Variants in UBE2Q1 observed in about 807,000 individuals in gnomAD.
The protein encoded by UBE2Q1 is ubiquitin conjugating enzyme E2 Q1.
A neutral mutation model predicts 60.1 loss-of-function variants in UBE2Q1; 6 were observed. That is an observed-to-expected ratio of 0.10 (90% CI 0.05 to 0.20). UBE2Q1 has a LOEUF of 0.20. Ranked by LOEUF, UBE2Q1 falls within the 10% of genes least tolerant of loss-of-function variation. The pLI is 1.00. For missense variants in UBE2Q1, 262 were observed against 525.8 expected (o/e 0.50, Z 4.91); for synonymous variants, 226 against 208.3 (o/e 1.09, Z -0.73).
At position 154,558,602 on chromosome 1, in the gene UBE2Q1, TGCGCTCCGGGCTCCG is replaced by T. The variant is rs1695937098; in HGVS notation, c.-64_-50del. 1.0e-6 allele frequency: 1 copy of T among 997,074 alleles called. No individual in the cohort carries two copies. The highest frequency in any genetic ancestry group is 5.0e-4 in the Middle Eastern group (1 of 1,992). 61.8% of individuals were successfully genotyped at this position (997,074 alleles called of 1,614,324 possible). On this transcript the variant is annotated 5_prime_UTR_variant, in exon 1 of 13. Transcript: ENST00000292211. ...GCCGGCGGGCCGGGAGCCTCCGGCC[TGCGCTCCGGGCTCCG>T]CCGCCGCCGCCGCCGCCGCCGCCGC...
chr1:154,558,604 C>T lies in UBE2Q1; in HGVS notation c.-51G>A. On this transcript the variant is annotated 5_prime_UTR_variant, in exon 1 of 13. Coordinates refer to ENST00000292211, the MANE Select transcript of UBE2Q1 (RefSeq NM_017582.7). ...CGGCGGGCCGGGAGCCTCCGGCCTG[C>T]GCTCCGGGCTCCGCCGCCGCCGCCG... 2 of 991,394 alleles carry T rather than the reference C, an allele frequency of 2.0e-6. No homozygotes were observed. The highest frequency in any genetic ancestry group is 1.2e-6 in the Non-Finnish European group (1 of 845,366). The allele number at this position is 991,394 out of a possible 1,614,324, so 61.4% of individuals were successfully genotyped here.
Position 154,552,948 on chromosome 1 carries a change from C to T in UBE2Q1, c.729+84G>A, listed in dbSNP as rs530431208. 52 of 1,596,712 alleles carry T rather than the reference C, an allele frequency of 3.3e-5. No homozygotes were observed. The African/African-American group carries it at 6.3e-4, about 19-fold the overall frequency. ...ATTAGGCACAAAAAAGGAGTCTGCTCTCCATACTGAGATGCGATGGCCTAC... is the reference window on the plus strand; with the variant it reads ...ATTAGGCACAAAAAAGGAGTCTGCTTTCCATACTGAGATGCGATGGCCTAC... On this transcript the variant is annotated intron_variant, in intron 5 of 12. Transcript: ENST00000292211.
At chr1:154,556,386 T>G (rs1481809641) in intron 1 of UBE2Q1, among the ~76,000 whole-genome samples, 1 of 152,096 alleles carries the variant, frequency 6.6e-6, no homozygotes, top group Non-Finnish European at 1.5e-5. Flanking sequence ...AGGGATCACC[T>G]CATCACAATG....
rs1695751674 is a variant in UBE2Q1 at position 154,549,316 on chromosome 1, C to CGT, written c.*1121_*1122insAC. ...AGGACACAGGTGTATAGAACAACCC[C>CGT]CCTTAAAATGCTAACCCTTTCTAGT... On this transcript the variant is annotated 3_prime_UTR_variant, in exon 13 of 13. Transcript: ENST00000292211. 6.6e-6 allele frequency: 1 copy of CGT among 152,234 alleles called. No individual in the cohort carries two copies. Among genetic ancestry groups the CGT allele is most frequent in the Non-Finnish European group, 1.5e-5 (1 of 68,058 alleles). The allele number at this position is 152,234 out of a possible 1,614,324, so 9.4% of individuals were successfully genotyped here.
rs370404940 is a variant in UBE2Q1 at position 154,558,217 on chromosome 1, G to C, written c.327+10C>G. ...GGCCCCCACAGAGGCGCACGCGAGG[G>C]GGTCCTCACCGTGATGTTGCAGTGG... is the stretch of plus-strand genomic sequence containing the variant. On this transcript the variant is annotated intron_variant, in intron 1 of 12. Transcript: ENST00000292211. 6.6e-7 allele frequency: 1 copy of C among 1,515,982 alleles called. No homozygotes were observed. The highest frequency in any genetic ancestry group is 1.4e-5 in the African/African-American group (1 of 69,372). 93.9% of individuals were successfully genotyped at this position (1,515,982 alleles called of 1,614,324 possible).
intron 4 of UBE2Q1, 169 bp downstream of exon 4, chr1:154,554,566 G>C: frequency 1.6e-6 from 1 of 636,522 alleles, no homozygotes; most frequent in Non-Finnish European, 2.7e-6. Flanking sequence ...GTTGGATATG[G>C]GTGCCCTGTC....
chr1:154,551,108 G>A (rs1695784294), intron 11 of UBE2Q1, 104 bp from the exon 12 acceptor site: 2 of 1,368,436 alleles, frequency 1.5e-6, no homozygotes, highest in Admixed American at 1.7e-5. Flanking sequence ...CCAGCTCCCA[G>A]CACTGTGGTC....
intron 1 of UBE2Q1, among the ~76,000 whole-genome samples, chr1:154,557,725 G>T (rs1048709392): frequency 2.0e-5 from 3 of 152,204 alleles, no homozygotes; most frequent in Non-Finnish European, 2.9e-5. Context: ...GAGAGAGCAA[G>T]AGGGTCTGCA....
chr1:154,550,299 T>G lies in UBE2Q1; in HGVS notation c.*139A>C. ...CCTTAGCGTTTAGAATAGCCATCAT[T>G]GTCCTGCAATAGGCAGAGCTATCAC... On this transcript the variant is annotated 3_prime_UTR_variant, in exon 13 of 13. Coordinates refer to ENST00000292211, the MANE Select transcript of UBE2Q1 (RefSeq NM_017582.7). The G allele has an allele frequency of 8.9e-7, 1 of 1,129,650 alleles. No homozygotes were observed. Among genetic ancestry groups the G allele is most frequent in the Non-Finnish European group, 1.3e-6 (1 of 770,756 alleles). 70.0% of individuals were successfully genotyped at this position (1,129,650 alleles called of 1,614,324 possible).
intron 11 of UBE2Q1, 62 bp from the exon 12 acceptor site, chr1:154,551,066 T>C: frequency 6.3e-7 from 1 of 1,594,676 alleles, no homozygotes; most frequent in Non-Finnish European, 8.6e-7. Context: ...CCCCTCACCT[T>C]CTGCAGGCTG....
Position 154,555,983 on chromosome 1 carries a change from T to C in UBE2Q1, c.328-19A>G, listed in dbSNP as rs1362572510. The stretch of plus-strand genomic sequence containing the variant: ...ATGACTCCTGAAGGGAAAAGAGCAA[T>C]AAGAGCAATCAAAATGGGTGACTCT... On this transcript the variant is annotated intron_variant, in intron 1 of 12. Transcript: ENST00000292211. The C allele has an allele frequency of 2.5e-6, 4 of 1,609,296 alleles. No individual in the cohort carries two copies. Among genetic ancestry groups the C allele is most frequent in the African/African-American group, 2.7e-5 (2 of 74,668 alleles).
At chr1:154,551,575 G>C (rs982845460) in intron 10 of UBE2Q1, 83 bp from the exon 11 acceptor site, 2 of 1,510,578 alleles carry the variant, frequency 1.3e-6, no homozygotes, top group African/African-American at 2.7e-5. Flanking sequence ...GCAATCAGCT[G>C]TGTCTATAGG....
chr1:154,551,758 G>A lies in UBE2Q1; in HGVS notation c.1074+13C>T, dbSNP rs1695794211. The A allele has an allele frequency of 6.2e-7, 1 of 1,614,100 alleles. No individual in the cohort carries two copies. Among genetic ancestry groups the A allele is most frequent in the African/African-American group, 1.3e-5 (1 of 74,932 alleles). ...CCCAGGCCGGCCTGGCCAAGGAGGAGAGACAGGCTCACCTGTTTGGTGAGA... is the reference window on the plus strand; with the variant it reads ...CCCAGGCCGGCCTGGCCAAGGAGGAAAGACAGGCTCACCTGTTTGGTGAGA... On this transcript the variant is annotated intron_variant, in intron 10 of 12. Transcript: ENST00000292211.
At chr1:154,556,268 GGACT>G (rs1695886679) in intron 1 of UBE2Q1, among the ~76,000 whole-genome samples, 2 of 152,088 alleles carry the variant, frequency 1.3e-5, no homozygotes, top group Non-Finnish European at 2.9e-5. Context: ...CAGCGAAGGG[GGACT>G]CCTCATCTCC....
chr1:154,555,684 C>T, intron 2 of UBE2Q1, 152 bp from the exon 3 acceptor site: 1 of 926,046 alleles, frequency 1.1e-6, no homozygotes, highest in East Asian at 2.6e-5. Context: ...CCTGATGGAC[C>T]AATCCCAGGG....
intron 12 of UBE2Q1, 149 bp downstream of exon 12, chr1:154,550,789 A>C (rs1047668720): frequency 6.5e-7 from 1 of 1,537,518 alleles, no homozygotes; most frequent in Non-Finnish European, 8.7e-7. Flanking sequence ...AGCCACCGCC[A>C]GTCCCTCCTG....
chr1:154,554,867 C>G lies in UBE2Q1; in HGVS notation c.538-82G>C. ...GCCTCCAACCTACTCCCCTGAGCCC[C>G]CAGGTCTGGAAGTTGTGCGCCTGCC... is the stretch of plus-strand genomic sequence containing the variant. On this transcript the variant is annotated intron_variant, in intron 3 of 12. Transcript: ENST00000292211. The G allele has an allele frequency of 2.0e-6, 3 of 1,487,860 alleles. No homozygotes were observed. The South Asian group carries it at 3.7e-5, about 18-fold the overall frequency. 92.2% of individuals were successfully genotyped at this position (1,487,860 alleles called of 1,614,324 possible).
rs78831689 is a variant in UBE2Q1, at chr1:154,553,473, A to C, written c.589-301T>G. The C allele has an allele frequency of 8.1e-4, 212 of 261,308 alleles. 1 individual carries two copies. In the East Asian group the frequency reaches 0.015, roughly 18 times the overall value. 16.2% of individuals were successfully genotyped at this position (261,308 alleles called of 1,614,324 possible). A position where few individuals can be genotyped will look rare whatever the true frequency, so the allele number is the denominator to read the frequency against. ...TTGTTTCCTGGACTGACCCTGCTCC[A>C]ACTGTTCCTAAAACTCCCTTGGCAG... On this transcript the variant is annotated intron_variant, in intron 4 of 12. Coordinates refer to ENST00000292211, the MANE Select transcript of UBE2Q1 (RefSeq NM_017582.7).
intron 12 of UBE2Q1, 81 bp downstream of exon 12, chr1:154,550,857 G>C: frequency 6.2e-7 from 1 of 1,610,512 alleles, no homozygotes; most frequent in Non-Finnish European, 8.5e-7. Flanking sequence ...ACCAAAAGAA[G>C]GGGTTCTTGC....
Sources: allele counts gnomAD v4.1 joint callset (sites outside exome capture counted in the v4.1 genomes callset), GRCh38; gene constraint gnomAD v4.1.1; transcripts MANE v1.5; gene names NCBI Gene and HGNC (gene_info 2026-07-23, HGNC 2026-07-21).